SMOC2: variants seen among roughly 807,000 people sequenced by gnomAD.
SMOC2 encodes the protein SPARC-related modular calcium-binding protein 2.
A neutral mutation model predicts 61.4 loss-of-function variants in SMOC2; 39 were observed. The ratio of observed to expected loss-of-function variants is 0.64; its 90% CI spans 0.49 to 0.83. The LOEUF is 0.83. Among genes scored for constraint, SMOC2 ranks in the 40% least tolerant of loss-of-function variants. SMOC2 has a pLI of 0.00. For missense variants in SMOC2, 556 were observed against 592.9 expected (o/e 0.94, Z 0.65); for synonymous variants, 247 against 239.9 (o/e 1.03, Z -0.27).
intron 9 of SMOC2, among the ~76,000 whole-genome samples, chr6:168,631,891 G>A (rs116246962): frequency 0.012 from 1,754 of 152,226 alleles, 41 homozygotes; most frequent in African/African-American, 0.039. Flanking sequence ...TGCACACAGC[G>A]GCTGAAAGCT....
At chr6:168,657,095 G>A (rs922140804) in intron 11 of SMOC2, among the ~76,000 whole-genome samples, 5 of 152,244 alleles carry the variant, frequency 3.3e-5, no homozygotes, top group Non-Finnish European at 5.9e-5. Flanking sequence ...ATGCATGAAG[G>A]CAGCAAATGC....
intron 4 of SMOC2, among the ~76,000 whole-genome samples, chr6:168,538,437 T>TGA (rs1277397695): frequency 1.3e-5 from 1 of 78,128 alleles, no homozygotes; most frequent in Non-Finnish European, 2.5e-5. Context: ...TGCTGGAATG[T>TGA]GGGGGAGTGG....
At chr6:168,614,440 C>T (rs1583161505) in intron 9 of SMOC2, among the ~76,000 whole-genome samples, 1 of 72,024 alleles carries the variant, frequency 1.4e-5, no homozygotes, top group Non-Finnish European at 2.8e-5. Flanking sequence ...GGCCTCTTCA[C>T]ACCTACAGCC....
At chr6:168,633,241 G>A (rs189287794) in intron 9 of SMOC2, among the ~76,000 whole-genome samples, 1 of 152,350 alleles carries the variant, frequency 6.6e-6, no homozygotes, top group East Asian at 1.9e-4. Context: ...CATGTAAAAT[G>A]TTTTGCTATT....
chr6:168,526,301 T>C, intron 2 of SMOC2, 45 bp from the exon 3 acceptor site: 1 of 1,531,148 alleles, frequency 6.5e-7, no homozygotes, highest in African/African-American at 1.4e-5. Flanking sequence ...TGTTCTATCT[T>C]CTTCCCATTG....
chr6:168,611,530 TGGCCC>T, intron 9 of SMOC2, among the ~76,000 whole-genome samples: 1 of 80,846 alleles, frequency 1.2e-5, no homozygotes, highest in African/African-American at 5.2e-5. Context: ...CTCCCATGTC[TGGCCC>T]TGCTCTGGTT....
At chr6:168,500,286 C>CAAA (rs72258550) in intron 1 of SMOC2, among the ~76,000 whole-genome samples, 17 of 99,166 alleles carry the variant, frequency 1.7e-4, no homozygotes, top group South Asian at 3.4e-4. Flanking sequence ...AACTCTGTCT[C>CAAA]AAAAAAAAAA....
intron 7 of SMOC2, among the ~76,000 whole-genome samples, chr6:168,568,129 G>A (rs745995485): frequency 3.4e-5 from 5 of 147,736 alleles, no homozygotes; most frequent in African/African-American, 5.1e-5. Flanking sequence ...AGCTACAGGC[G>A]AAGACCGGAT....
intron 7 of SMOC2, among the ~76,000 whole-genome samples, chr6:168,584,759 T>C (rs184961467): frequency 7.3e-4 from 111 of 152,236 alleles, no homozygotes; most frequent in African/African-American, 2.5e-3. Flanking sequence ...AGATGTTGTT[T>C]ATGGAGAGCA....
intron 1 of SMOC2, among the ~76,000 whole-genome samples, chr6:168,448,109 G>A (rs1433779755): frequency 2.0e-5 from 3 of 152,154 alleles, no homozygotes; most frequent in Non-Finnish European, 4.4e-5. Flanking sequence ...GGCCCAAACC[G>A]ACCTGCGATT....
intron 2 of SMOC2, among the ~76,000 whole-genome samples, chr6:168,515,602 T>TGAGGGGCAGGCTCCTTCCAAGGCCTC (rs1783112627): frequency 6.6e-6 from 1 of 151,680 alleles, no homozygotes; most frequent in South Asian, 2.1e-4. Context: ...AGACGGGCCT[T>TGAGGGGCAGGCTCCTTCCAAGGCCTC]GCCCTGAGCG....
intron 5 of SMOC2, among the ~76,000 whole-genome samples, chr6:168,546,592 C>A (rs1784009521): frequency 6.6e-6 from 1 of 152,142 alleles, no homozygotes; most frequent in Non-Finnish European, 1.5e-5. Flanking sequence ...TTAGATTATG[C>A]CATGGCAGCA....
At position 168,524,989 on chromosome 6, in the gene SMOC2, G is replaced by A. The variant is rs548128865; in HGVS notation, c.257-1357G>A. Among the ~76,000 whole-genome samples the A allele has an allele frequency of 2.6e-5, 4 of 152,368 alleles. No individual in the cohort carries two copies. In the East Asian group the frequency reaches 7.7e-4, roughly 29 times the overall value. ...TTGCCATAGCCAGCACTTTAACCACGAGGGAGTCAAAAAGTCACCATCTGA... is the reference window on the plus strand; with the variant it reads ...TTGCCATAGCCAGCACTTTAACCACAAGGGAGTCAAAAAGTCACCATCTGA... On this transcript the variant is annotated intron_variant, in intron 2 of 12. Transcript: ENST00000356284.
At position 168,452,244 on chromosome 6, in the gene SMOC2, T is replaced by A. The variant is rs1781482745; in HGVS notation, c.84+10790T>A. Among the ~76,000 whole-genome samples, 3 of 152,240 alleles carry A rather than the reference T, an allele frequency of 2.0e-5. No individual in the cohort carries two copies. In the South Asian group the frequency reaches 6.2e-4, roughly 32 times the overall value. ...AAGCAGGGACATTTTAGCTTGATGT[T>A]TCTACTGTCTTTATTTAGAAGTCTG... On this transcript the variant is annotated intron_variant, in intron 1 of 12. Coordinates refer to ENST00000356284, the MANE Select transcript of SMOC2 (RefSeq NM_001166412.2). The surrounding 1 kb of genome is among the most constrained non-coding windows in gnomAD (Gnocchi z 5.0).
At chr6:168,510,803 C>T (rs367945159) in intron 2 of SMOC2, among the ~76,000 whole-genome samples, 8 of 152,352 alleles carry the variant, frequency 5.3e-5, no homozygotes, top group Admixed American at 3.3e-4. Flanking sequence ...AATAAGCTTG[C>T]TCTTCCTTTC....
intron 7 of SMOC2, among the ~76,000 whole-genome samples, chr6:168,587,044 A>G (rs1785062404): frequency 6.6e-6 from 1 of 151,832 alleles, no homozygotes; most frequent in Admixed American, 6.5e-5. Flanking sequence ...GAAGTACTTA[A>G]TCTTAATAAA....
At chr6:168,630,506 C>A (rs1204272734) in intron 9 of SMOC2, among the ~76,000 whole-genome samples, 3 of 152,104 alleles carry the variant, frequency 2.0e-5, no homozygotes, top group East Asian at 3.9e-4. Flanking sequence ...CGCCTCAGGA[C>A]CACGTGATAA....
intron 10 of SMOC2, among the ~76,000 whole-genome samples, chr6:168,651,798 T>TG (rs1470809712): frequency 6.6e-6 from 1 of 152,210 alleles, no homozygotes; most frequent in Non-Finnish European, 1.5e-5. Flanking sequence ...CCCAACACTT[T>TG]GGCAGGCCAA....
At chr6:168,454,450 C>A (rs141538920) in intron 1 of SMOC2, among the ~76,000 whole-genome samples, 1 of 152,096 alleles carries the variant, frequency 6.6e-6, no homozygotes, top group Non-Finnish European at 1.5e-5. Context: ...AATAGCCCCT[C>A]GTAACTTCAC....
Sources: allele counts gnomAD v4.1 joint callset (sites outside exome capture counted in the v4.1 genomes callset), GRCh38; gene constraint gnomAD v4.1.1; non-coding constraint Gnocchi (gnomAD v3.1); transcripts MANE v1.5; gene names NCBI Gene and HGNC (gene_info 2026-07-23, HGNC 2026-07-21).